The following TRPM3 variants were observed in gnomAD, a reference collection of about 807,000 sequenced individuals.
The protein encoded by TRPM3 is long transient receptor potential channel 3.
TRPM3 carries 77 observed loss-of-function variants against 181.2 expected under a neutral mutation model. That is an observed-to-expected ratio of 0.42 (90% CI 0.35 to 0.51). The LOEUF (loss-of-function observed/expected upper bound fraction) is 0.51, where lower values mean the gene tolerates loss of function less well. TRPM3 is among the 20% of genes least tolerant of loss of function. The pLI is 0.01. For missense variants in TRPM3, 1,759 were observed against 2,196.7 expected (o/e 0.80, Z 3.98); for synonymous variants, 745 against 796.4 (o/e 0.94, Z 1.09).
chr9:71,414,137 C>A (rs1032940063), intron 1 of TRPM3, among the ~76,000 whole-genome samples: 12 of 152,026 alleles, frequency 7.9e-5, no homozygotes, highest in Non-Finnish European at 1.3e-4. Context: ...GCAGCTATAA[C>A]CTTTCTCTCT....
intron 6 of TRPM3, among the ~76,000 whole-genome samples, chr9:70,818,538 G>A (rs1051620600): frequency 2.6e-5 from 4 of 152,176 alleles, no homozygotes; most frequent in Admixed American, 2.0e-4. Flanking sequence ...GACTCTGACA[G>A]GAAGGTGCTC....
At chr9:71,218,761 A>G (rs1189824057) in intron 1 of TRPM3, among the ~76,000 whole-genome samples, 1 of 152,242 alleles carries the variant, frequency 6.6e-6, no homozygotes, top group East Asian at 1.9e-4. Flanking sequence ...TACGTAAAAT[A>G]ATAAAGCATA....
At chr9:70,810,033 G>A (rs773538645) in intron 6 of TRPM3, 2 of 534,646 alleles carry the variant, frequency 3.7e-6, no homozygotes. Context: ...ATATTCTCAG[G>A]CATAGGATGA....
At chr9:71,348,859 C>G (rs1206453795) in intron 1 of TRPM3, among the ~76,000 whole-genome samples, 2 of 152,200 alleles carry the variant, frequency 1.3e-5, no homozygotes, top group African/African-American at 4.8e-5. Flanking sequence ...GCATGAGCCA[C>G]TGTGCCCAGC....
At chr9:70,923,543 A>G (rs1028428067) in intron 1 of TRPM3, among the ~76,000 whole-genome samples, 13 of 152,156 alleles carry the variant, frequency 8.5e-5, no homozygotes, top group African/African-American at 3.1e-4. Context: ...TTTACCAAGA[A>G]TTGGATATAA....
intron 1 of TRPM3, among the ~76,000 whole-genome samples, chr9:71,322,308 A>G (rs979211377): frequency 1.3e-5 from 2 of 152,148 alleles, no homozygotes; most frequent in Non-Finnish European, 2.9e-5. Context: ...TGCACAGATA[A>G]TTCACATATG....
chr9:71,244,658 T>C (rs1405036885), intron 1 of TRPM3, among the ~76,000 whole-genome samples: 1 of 152,188 alleles, frequency 6.6e-6, no homozygotes, highest in African/African-American at 2.4e-5. Context: ...TTAAGATCCA[T>C]TCAAACATAA....
chr9:70,751,254 T>C (rs974518857), intron 8 of TRPM3, among the ~76,000 whole-genome samples: 2 of 152,076 alleles, frequency 1.3e-5, no homozygotes, highest in African/African-American at 4.8e-5. Context: ...ATTGGGAAAG[T>C]ACGAACTAAA....
intron 1 of TRPM3, among the ~76,000 whole-genome samples, chr9:71,318,910 C>A (rs2088915303): frequency 6.6e-6 from 1 of 152,056 alleles, no homozygotes; most frequent in Non-Finnish European, 1.5e-5. Flanking sequence ...TATCCCAGAT[C>A]CCTCTCCCAG....
At chr9:71,209,846 A>G (rs1024472151) in intron 1 of TRPM3, among the ~76,000 whole-genome samples, 1 of 152,226 alleles carries the variant, frequency 6.6e-6, no homozygotes, top group Non-Finnish European at 1.5e-5. Context: ...ATTCATTTAC[A>G]TTCTGTCTAT....
intron 1 of TRPM3, among the ~76,000 whole-genome samples, chr9:71,174,516 G>A (rs1263153195): frequency 2.0e-5 from 3 of 151,986 alleles, no homozygotes; most frequent in East Asian, 1.9e-4. Flanking sequence ...ACTCTAGCCT[G>A]GGCAACAGAG....
rs546827565 is a variant in TRPM3 at position 71,165,983 on chromosome 9, G to T, written c.183+280670C>A. 1.2e-4 allele frequency among the ~76,000 whole-genome samples: 19 copies of T among 152,172 alleles called. No homozygotes were observed. In the South Asian group the frequency reaches 1.5e-3, roughly 12 times the overall value. On this transcript the variant is annotated intron_variant, in intron 1 of 24. Transcript: ENST00000357533. ...GTCAGCAGGTCTTAGAAGGACAAAAGTTCAATACACTCTTGATGAAAATCA... is the reference window on the plus strand; with the variant it reads ...GTCAGCAGGTCTTAGAAGGACAAAATTTCAATACACTCTTGATGAAAATCA...
intron 1 of TRPM3, among the ~76,000 whole-genome samples, chr9:70,946,787 G>C (rs1364797434): frequency 6.6e-6 from 1 of 151,854 alleles, no homozygotes; most frequent in Non-Finnish European, 1.5e-5. Flanking sequence ...GCAATACACA[G>C]AATAGTCTTG....
At chr9:71,327,062 C>T (rs1458592585) in intron 1 of TRPM3, among the ~76,000 whole-genome samples, 1 of 152,206 alleles carries the variant, frequency 6.6e-6, no homozygotes, top group Non-Finnish European at 1.5e-5. Flanking sequence ...AAATCCTCCT[C>T]AGTTTCCGTA....
rs559866323 is a variant in TRPM3 at position 71,236,431 on chromosome 9, T to C, written c.183+210222A>G. On this transcript the variant is annotated intron_variant, in intron 1 of 24. Transcript: ENST00000357533. ...ACACCACCCTCTACCCGCCCCACATTTGCAGAAGGAAATAAAAAGTAGTAG... is the reference window on the plus strand; with the variant it reads ...ACACCACCCTCTACCCGCCCCACATCTGCAGAAGGAAATAAAAAGTAGTAG... Among the ~76,000 whole-genome samples the C allele has an allele frequency of 3.9e-5, 6 of 152,216 alleles. 1 individual carries two copies. The East Asian group carries it at 1.2e-3, about 29-fold the overall frequency.
Position 71,371,744 on chromosome 9 carries a change from G to A in TRPM3, c.183+74909C>T, listed in dbSNP as rs11142811. On this transcript the variant is annotated intron_variant, in intron 1 of 24. Transcript: ENST00000357533. ...ACTGATTTTGAAAGTTCTACTGTGG[G>A]TAGAATGCTATCTAACAGCATCACA... Among the ~76,000 whole-genome samples the A allele has an allele frequency of 6.6e-5, 10 of 152,312 alleles. No homozygotes were observed. The East Asian group carries it at 1.7e-3, about 26-fold the overall frequency.
chr9:71,408,797 A>G (rs1257040082), intron 1 of TRPM3, among the ~76,000 whole-genome samples: 1 of 152,146 alleles, frequency 6.6e-6, no homozygotes, highest in Non-Finnish European at 1.5e-5. Context: ...CAAGACATGT[A>G]ATTGTCAGAT....
At chr9:70,779,923 A>G (rs2082145624) in intron 7 of TRPM3, among the ~76,000 whole-genome samples, 1 of 152,202 alleles carries the variant, frequency 6.6e-6, no homozygotes, top group Non-Finnish European at 1.5e-5. Context: ...TCCAGGTACT[A>G]TATGCCATAG....
chr9:71,305,527 T>G (rs1344039686), intron 1 of TRPM3, among the ~76,000 whole-genome samples: 1 of 152,178 alleles, frequency 6.6e-6, no homozygotes, highest in African/African-American at 2.4e-5. Flanking sequence ...TGAAAAATAT[T>G]AGTAAAGACA....
Sources: allele counts gnomAD v4.1 joint callset (sites outside exome capture counted in the v4.1 genomes callset), GRCh38; gene constraint gnomAD v4.1.1; transcripts MANE v1.5; gene names NCBI Gene and HGNC (gene_info 2026-07-23, HGNC 2026-07-21).